The following ZCCHC14 variants were observed in gnomAD, a reference collection of about 807,000 sequenced individuals.
ZCCHC14 encodes zinc finger CCHC domain-containing protein 14.
Under a neutral mutation model 85.0 loss-of-function variants are expected in ZCCHC14, and 16 were observed. The observed-to-expected ratio is 0.19, with a 90% CI of 0.13 to 0.29. The LOEUF is 0.29. ZCCHC14 is among the 10% of genes least tolerant of loss of function. The pLI, the probability that ZCCHC14 is intolerant of heterozygous loss-of-function variation, is 1.00. For missense variants in ZCCHC14, 1,303 were observed against 1,443.5 expected, an observed-to-expected ratio of 0.90 and a Z score of 1.58; for synonymous variants, 775 against 630.7, an observed-to-expected ratio of 1.23 and a Z score of -3.43.
intron 2 of ZCCHC14, among the ~76,000 whole-genome samples, chr16:87,435,690 C>T (rs919560755): frequency 6.6e-6 from 1 of 152,286 alleles, no homozygotes; most frequent in African/African-American, 2.4e-5. Context: ...CCAGCGGCAC[C>T]ACCTGCTCCT....
intron 3 of ZCCHC14, among the ~76,000 whole-genome samples, chr16:87,430,836 A>G (rs1909619089): frequency 6.6e-6 from 1 of 152,074 alleles, no homozygotes; most frequent in Non-Finnish European, 1.5e-5. Context: ...TTCAGAATCA[A>G]CTTGATTTCT....
intron 1 of ZCCHC14, among the ~76,000 whole-genome samples, chr16:87,485,226 G>C (rs1912461894): frequency 6.6e-6 from 1 of 152,186 alleles, no homozygotes; most frequent in Admixed American, 6.5e-5. Context: ...ACGGCTGCTA[G>C]AAGAGCAATT....
rs181299738 is a variant in ZCCHC14 at position 87,423,997 on chromosome 16, G to A, written c.769-116C>T. 275 of 1,051,910 alleles carry A rather than the reference G, an allele frequency of 2.6e-4. 3 individuals are homozygous for A. The East Asian group carries it at 4.6e-3, about 17-fold the overall frequency. 65.2% of individuals were successfully genotyped at this position (1,051,910 alleles called of 1,614,324 possible). On this transcript the variant is annotated intron_variant, in intron 3 of 12. Coordinates refer to ENST00000671377, the MANE Select transcript of ZCCHC14 (RefSeq NM_015144.3). ...AGTCGGCAGCTGAGCCCAGTGGGCC[G>A]TGCACCTGCTGTGGGAAGCACCTAA...
At chr16:87,471,716 T>C (rs1384910600) in intron 1 of ZCCHC14, 11 of 152,188 alleles carry the variant, frequency 7.2e-5, no homozygotes, top group Admixed American at 2.0e-4. Context: ...TTCCAGACAC[T>C]GCCTGTAGAA....
At chr16:87,476,516 T>C (rs1912010437) in intron 1 of ZCCHC14, among the ~76,000 whole-genome samples, 1 of 152,028 alleles carries the variant, frequency 6.6e-6, no homozygotes, top group Non-Finnish European at 1.5e-5. Flanking sequence ...CTTCTTACAC[T>C]GCACAAGGCG....
chr16:87,429,946 T>C (rs960897509), intron 3 of ZCCHC14, among the ~76,000 whole-genome samples: 1 of 152,256 alleles, frequency 6.6e-6, no homozygotes, highest in Non-Finnish European at 1.5e-5. Context: ...GAGAATTCTT[T>C]ATACATTTTG....
intron 2 of ZCCHC14, among the ~76,000 whole-genome samples, chr16:87,458,303 G>A (rs987323221): frequency 6.6e-6 from 1 of 152,144 alleles, no homozygotes; most frequent in African/African-American, 2.4e-5. Context: ...TTTCTACAGC[G>A]GAGGGACTCC....
intron 1 of ZCCHC14, chr16:87,472,678 T>C (rs1019643473): frequency 2.6e-5 from 4 of 152,202 alleles, no homozygotes; most frequent in African/African-American, 9.7e-5. Flanking sequence ...GACGACACCA[T>C]CAGAAAGTAA....
intron 2 of ZCCHC14, among the ~76,000 whole-genome samples, chr16:87,451,654 A>G (rs1373371701): frequency 6.6e-6 from 1 of 152,240 alleles, no homozygotes; most frequent in Non-Finnish European, 1.5e-5. Context: ...AGGTTCAAAG[A>G]AGTGATGCTG....
At chr16:87,479,934 C>G (rs1318494101) in intron 1 of ZCCHC14, among the ~76,000 whole-genome samples, 3 of 151,644 alleles carry the variant, frequency 2.0e-5, no homozygotes, top group Non-Finnish European at 4.4e-5. Flanking sequence ...GTTTTTTCTT[C>G]TTCTTTTTCT....
intron 9 of ZCCHC14, 119 bp from the exon 10 acceptor site, chr16:87,414,660 G>A (rs1220540753): frequency 6.5e-6 from 9 of 1,378,318 alleles, no homozygotes; most frequent in Non-Finnish European, 8.7e-6. Flanking sequence ...GCGACTTCGA[G>A]ATGGGTCTAC....
chr16:87,486,293 C>T (rs1264980454), intron 1 of ZCCHC14, among the ~76,000 whole-genome samples: 1 of 152,098 alleles, frequency 6.6e-6, no homozygotes, highest in Admixed American at 6.5e-5. Flanking sequence ...CACTGACAGA[C>T]CACACGGACC....
In ZCCHC14 at chr16:87,418,902, C is replaced by T; in HGVS notation, c.1046-1G>A. ...TTAGAAAGGGAGGGATTGCCAGGAC[C>T]TATAAATTTAAAAATAAATACCATA... On this transcript the variant is annotated splice_acceptor_variant, in intron 6 of 12. Transcript: ENST00000671377. LOFTEE classifies it high-confidence loss of function. 1 of 1,607,422 alleles carries T rather than the reference C, an allele frequency of 6.2e-7. No homozygotes were observed. Among genetic ancestry groups the T allele is most frequent in the Non-Finnish European group, 8.5e-7 (1 of 1,176,246 alleles).
intron 3 of ZCCHC14, among the ~76,000 whole-genome samples, chr16:87,429,569 G>A (rs376322767): frequency 9.9e-5 from 15 of 152,146 alleles, no homozygotes; most frequent in African/African-American, 3.6e-4. Flanking sequence ...ATCCCTTGAG[G>A]CAAGAGTTCA....
At chr16:87,410,641 GGGTGAGGGCA>G (rs1232431232) in intron 12 of ZCCHC14, among the ~76,000 whole-genome samples, 1 of 152,228 alleles carries the variant, frequency 6.6e-6, no homozygotes, top group Non-Finnish European at 1.5e-5. Flanking sequence ...TCCTTTCACT[GGGTGAGGGCA>G]GGTGAGCGCT....
At chr16:87,455,521 CAGA>C (rs1389044535) in intron 2 of ZCCHC14, among the ~76,000 whole-genome samples, 2 of 152,212 alleles carry the variant, frequency 1.3e-5, no homozygotes, top group Non-Finnish European at 2.9e-5. Flanking sequence ...TAGCGTCCTA[CAGA>C]AGCTCTTCTA....
At chr16:87,469,870 G>C (rs576010702) in intron 1 of ZCCHC14, among the ~76,000 whole-genome samples, 1 of 152,088 alleles carries the variant, frequency 6.6e-6, no homozygotes, top group Non-Finnish European at 1.5e-5. Flanking sequence ...CCCCAGCTCC[G>C]TGTTCCCTGC....
chr16:87,476,982 G>A (rs538698208), intron 1 of ZCCHC14, among the ~76,000 whole-genome samples: 9 of 151,658 alleles, frequency 5.9e-5, no homozygotes, highest in Admixed American at 2.0e-4. Flanking sequence ...AAAATTAGCC[G>A]GGCATGGTGG....
chr16:87,438,503 T>G (rs1910038096), intron 2 of ZCCHC14, among the ~76,000 whole-genome samples: 1 of 152,220 alleles, frequency 6.6e-6, no homozygotes, highest in Non-Finnish European at 1.5e-5. Context: ...GGAGACGGAA[T>G]GATGCCTCCC....
Sources: gnomAD v4.1 joint callset for allele counts (sites outside exome capture counted in the v4.1 genomes callset) on GRCh38, gnomAD v4.1.1 for gene constraint, MANE v1.5 for transcripts, NCBI Gene and HGNC (gene_info 2026-07-23, HGNC 2026-07-21) for gene names.